LRBA: variants seen among roughly 807,000 people sequenced by gnomAD.
The protein encoded by LRBA is lipopolysaccharide-responsive and beige-like anchor protein.
LRBA carries 176 observed loss-of-function variants against 330.0 expected under a neutral mutation model. The ratio of observed to expected loss-of-function variants is 0.53; its 90% CI spans 0.47 to 0.60. The LOEUF is 0.60. Ranked by LOEUF, LRBA falls within the 20% of genes least tolerant of loss-of-function variation. The pLI is 0.00. For missense variants in LRBA, 3,259 were observed against 3,444.8 expected, an observed-to-expected ratio of 0.95 and a Z score of 1.35; for synonymous variants, 1,230 against 1,193.0, an observed-to-expected ratio of 1.03 and a Z score of -0.64.
intron 40 of LRBA, among the ~76,000 whole-genome samples, chr4:150,526,772 T>G (rs1308822178): frequency 6.6e-6 from 1 of 152,148 alleles, no homozygotes; most frequent in Non-Finnish European, 1.5e-5. Flanking sequence ...CAGTATGGAT[T>G]CCTAACAGAT....
chr4:150,376,169 A>G (rs28587623), intron 47 of LRBA, among the ~76,000 whole-genome samples: 9,016 of 152,074 alleles, frequency 0.059, 427 homozygotes, highest in East Asian at 0.18. Flanking sequence ...AAGTAATGCA[A>G]CCCCCACACT....
chr4:150,678,253 A>T (rs1243101925), intron 37 of LRBA, among the ~76,000 whole-genome samples: 3 of 151,988 alleles, frequency 2.0e-5, no homozygotes, highest in Admixed American at 2.0e-4. Flanking sequence ...AGAAAAAAAA[A>T]AAAAAAGAAA....
chr4:150,302,392 T>C (rs1729787331), intron 53 of LRBA, among the ~76,000 whole-genome samples: 1 of 152,220 alleles, frequency 6.6e-6, no homozygotes, highest in Non-Finnish European at 1.5e-5. Context: ...ACTAGAATTT[T>C]TGGATCATAA....
At chr4:151,003,543 G>A (rs1444286580) in intron 2 of LRBA, among the ~76,000 whole-genome samples, 1 of 151,962 alleles carries the variant, frequency 6.6e-6, no homozygotes, top group Admixed American at 6.6e-5. Context: ...AAAGAAAACA[G>A]CATGGTACTG....
At chr4:150,885,967 AG>A (rs1313535004) in intron 17 of LRBA, among the ~76,000 whole-genome samples, 1 of 152,230 alleles carries the variant, frequency 6.6e-6, no homozygotes, top group East Asian at 1.9e-4. Context: ...CCAAGATGAA[AG>A]AATATACTGT....
intron 53 of LRBA, among the ~76,000 whole-genome samples, chr4:150,287,155 G>A (rs779144027): frequency 9.9e-5 from 15 of 152,198 alleles, no homozygotes; most frequent in Admixed American, 2.0e-4. Flanking sequence ...CTCTGTGGAA[G>A]AGAATCGCTT....
At chr4:150,278,203 G>C (rs1747058657) in intron 55 of LRBA, among the ~76,000 whole-genome samples, 199 bp from the exon 56 acceptor site, 1 of 152,214 alleles carries the variant, frequency 6.6e-6, no homozygotes, top group Admixed American at 6.5e-5. Flanking sequence ...ATCAATGCTT[G>C]AGATTGTTTT....
chr4:150,697,325 G>GAAAGAAAAAAA (rs373474421), intron 36 of LRBA, among the ~76,000 whole-genome samples: 2 of 28,034 alleles, frequency 7.1e-5, no homozygotes, highest in African/African-American at 2.6e-4. Context: ...CTTTGTCTCA[G>GAAAGAAAAAAA]AAAAAAAAAA....
intron 35 of LRBA, among the ~76,000 whole-genome samples, chr4:150,745,794 GTCA>G (rs1560761641): frequency 2.6e-4 from 39 of 151,404 alleles, no homozygotes; most frequent in Non-Finnish European, 4.4e-5. Flanking sequence ...GATTACAGGC[GTCA>G]GCCACTGCGC....
chr4:150,407,435 C>T (rs965282696), intron 47 of LRBA, among the ~76,000 whole-genome samples: 2 of 151,838 alleles, frequency 1.3e-5, no homozygotes. Flanking sequence ...CTTCAATATC[C>T]CACTAGCAAA....
chr4:150,380,853 G>A (rs989827090), intron 47 of LRBA, among the ~76,000 whole-genome samples: 2 of 151,098 alleles, frequency 1.3e-5, no homozygotes, highest in Admixed American at 1.3e-4. Flanking sequence ...GAGGTGGCGG[G>A]TGCCTGTAAT....
At chr4:150,571,923 CAAACTCCCACTTCTAG>C (rs1769919899) in intron 40 of LRBA, among the ~76,000 whole-genome samples, 1 of 151,286 alleles carries the variant, frequency 6.6e-6, no homozygotes, top group African/African-American at 2.4e-5. Context: ...TGGTACGACC[CAAACTCCCACTTCTAG>C]TTATAAATAT....
chr4:150,565,815 A>G (rs1769052010), intron 40 of LRBA, among the ~76,000 whole-genome samples: 1 of 152,150 alleles, frequency 6.6e-6, no homozygotes, highest in South Asian at 2.1e-4. Flanking sequence ...TTTACTGAAT[A>G]AAGACACCAA....
intron 34 of LRBA, among the ~76,000 whole-genome samples, chr4:150,780,730 C>T (rs914106488): frequency 1.7e-5 from 2 of 115,300 alleles, no homozygotes; most frequent in Non-Finnish European, 3.8e-5. Context: ...TATGCATAAA[C>T]ATCATGATAT....
At chr4:150,630,694 C>A (rs1777290710) in intron 37 of LRBA, among the ~76,000 whole-genome samples, 1 of 152,056 alleles carries the variant, frequency 6.6e-6, no homozygotes, top group African/African-American at 2.4e-5. Context: ...TCTTAAAAAG[C>A]CAATTATTCC....
In LRBA at chr4:150,415,423, T is replaced by C. The variant is rs780393213; in HGVS notation, c.7194+15A>G. ...AAAAGCTCATGACAGACAGAGTAGA[T>C]GATTATTATCTTACCAATCTGTTTA... On this transcript the variant is annotated intron_variant, in intron 47 of 56. Coordinates refer to ENST00000651943, the MANE Select transcript of LRBA (RefSeq NM_001364905.1). The C allele has an allele frequency of 1.9e-6, 3 of 1,610,842 alleles. No homozygotes were observed.
At chr4:150,804,604 C>A (rs1259678636) in intron 33 of LRBA, among the ~76,000 whole-genome samples, 2 of 152,108 alleles carry the variant, frequency 1.3e-5, no homozygotes, top group African/African-American at 2.4e-5. Flanking sequence ...ATAACTAAAG[C>A]TGCCAGTTGA....
At position 150,286,601 on chromosome 4, in the gene LRBA, C is replaced by T. The variant is rs774700912; in HGVS notation, c.8018-567G>A. Among the ~76,000 whole-genome samples, 48 of 131,190 alleles carry T rather than the reference C, an allele frequency of 3.7e-4. No homozygotes were observed. The Middle Eastern group carries it at 0.015, about 40-fold the overall frequency. The allele number at this position is 131,190 out of a possible 152,430, so 86.1% of individuals were successfully genotyped here. ...TTTCTCTGTGGTTCATTCAAATAAC[C>T]GAAAAAAAACCCAATATAAGAAACA... On this transcript the variant is annotated intron_variant, in intron 53 of 56. Transcript: ENST00000651943.
rs1349254578 is a variant in LRBA at position 150,928,938 on chromosome 4, G to A, written c.344C>T (p.Thr115Ile). 19 of 1,613,822 alleles carry A rather than the reference G, an allele frequency of 1.2e-5. No individual in the cohort carries two copies. Among genetic ancestry groups the A allele is most frequent in the Non-Finnish European group, 1.6e-5 (19 of 1,179,972 alleles). ...CCGTATGCTTTTCTTCAGAATGGCTGTAAACATGCTCCAGACTTCTGCTTG... is the reference window on the plus strand; with the variant it reads ...CCGTATGCTTTTCTTCAGAATGGCTATAAACATGCTCCAGACTTCTGCTTG... ...TCQAEVWSMF[T>I]AILKKSIRNL... The change falls in exon 3 of 57, where the codon ACA becomes ATA. Residue 115 changes from threonine (T) to isoleucine (I), a missense_variant. Thr to Ile is a moderately conservative substitution (Grantham distance 89, BLOSUM62 -1). Transcript: ENST00000651943.
Sources: gnomAD v4.1 joint callset for allele counts (sites outside exome capture counted in the v4.1 genomes callset) on GRCh38, gnomAD v4.1.1 for gene constraint, MANE v1.5 for transcripts, NCBI Gene and HGNC (gene_info 2026-07-23, HGNC 2026-07-21) for gene names.